VPS13B: variants seen among roughly 807,000 people sequenced by gnomAD.
The protein encoded by VPS13B is intermembrane lipid transfer protein VPS13B.
A neutral mutation model predicts 426.4 loss-of-function variants in VPS13B; 285 were observed. That is an observed-to-expected ratio of 0.67 (90% CI 0.61 to 0.74). The LOEUF (loss-of-function observed/expected upper bound fraction) is 0.74. Among genes scored for constraint, VPS13B ranks in the 30% least tolerant of loss-of-function variants. The pLI is 0.00. For missense variants in VPS13B, 4,537 were observed against 4,782.6 expected, an observed-to-expected ratio of 0.95 and a Z score of 1.51; for synonymous variants, 1,676 against 1,676.4, an observed-to-expected ratio of 1.00 and a Z score of 0.01.
chr8:99,631,604 T>G (rs1828848793), intron 33 of VPS13B, among the ~76,000 whole-genome samples: 1 of 152,052 alleles, frequency 6.6e-6, no homozygotes, highest in Non-Finnish European at 1.5e-5. Context: ...AAAATCATTT[T>G]TTTCCATTCT....
intron 30 of VPS13B, among the ~76,000 whole-genome samples, chr8:99,523,602 G>A (rs1043744730): frequency 6.6e-6 from 1 of 152,134 alleles, no homozygotes; most frequent in Admixed American, 6.5e-5. Context: ...ACAATTCTTC[G>A]GGATCTTATC....
rs151089043 is a variant in VPS13B at position 99,859,429 on chromosome 8, G to C, written c.10993G>C (p.Val3665Leu). 1.9e-6 allele frequency: 3 copies of C among 1,614,084 alleles called. No individual in the cohort carries two copies. Among genetic ancestry groups the C allele is most frequent in the Non-Finnish European group, 2.5e-6 (3 of 1,180,032 alleles). Residue 3665 changes from valine to leucine, a missense_variant, in exon 57 of 62, where the codon GTG becomes CTG. Val to Leu is a conservative substitution (Grantham distance 32). Coordinates refer to ENST00000357162, the MANE Select transcript of VPS13B (RefSeq NM_152564.5). ...EGLTRGPGAF[V>L]SGVSRGTTSF... ...GCTGACCCGGGGCCCTGGAGCCTTC[G>C]TGAGTGGCGTCTCCAGAGGGACCAC...
intron 35 of VPS13B, chr8:99,698,055 C>T: frequency 2.8e-6 from 1 of 353,014 alleles, no homozygotes; most frequent in Non-Finnish European, 5.5e-6. Flanking sequence ...TGCTGCCCCA[C>T]TGCCCTGGCG....
At chr8:99,283,175 A>T (rs1819257725) in intron 19 of VPS13B, among the ~76,000 whole-genome samples, 1 of 152,210 alleles carries the variant, frequency 6.6e-6, no homozygotes, top group Non-Finnish European at 1.5e-5. Flanking sequence ...ATGTAGAAAT[A>T]AGTGAATTGC....
intron 6 of VPS13B, among the ~76,000 whole-genome samples, chr8:99,113,737 G>T (rs1402220115): frequency 1.3e-5 from 2 of 151,896 alleles, no homozygotes; most frequent in African/African-American, 4.8e-5. Context: ...GCTAATTTTT[G>T]TATTTTTAGT....
At chr8:99,161,788 AG>A (rs1223089552) in intron 15 of VPS13B, among the ~76,000 whole-genome samples, 1 of 145,326 alleles carries the variant, frequency 6.9e-6, no homozygotes, top group Admixed American at 7.1e-5. Flanking sequence ...GCTGGAGTGC[AG>A]TGGCACAATC....
chr8:99,714,226 GT>G (rs1832823044), intron 36 of VPS13B, among the ~76,000 whole-genome samples: 1 of 151,758 alleles, frequency 6.6e-6, no homozygotes, highest in African/African-American at 2.4e-5. Flanking sequence ...CTGGTTCAGA[GT>G]AAGCAACAAT....
intron 43 of VPS13B, among the ~76,000 whole-genome samples, chr8:99,792,415 A>G (rs185065289): frequency 4.1e-4 from 62 of 150,716 alleles, no homozygotes; most frequent in African/African-American, 1.2e-3. Flanking sequence ...AGATGTAATT[A>G]AGGTCCTAAA....
intron 35 of VPS13B, chr8:99,696,831 T>C (rs1225734027): frequency 8.3e-7 from 1 of 1,207,434 alleles, no homozygotes; most frequent in Non-Finnish European, 1.2e-6. Flanking sequence ...CGGCCGCAGC[T>C]GGTGGCGCCG....
chr8:99,356,497 A>T (rs1478514413), intron 19 of VPS13B, among the ~76,000 whole-genome samples: 1 of 152,058 alleles, frequency 6.6e-6, no homozygotes, highest in African/African-American at 2.4e-5. Context: ...AATTTTAAAA[A>T]ATTAGCTGGG....
intron 20 of VPS13B, among the ~76,000 whole-genome samples, chr8:99,387,679 T>A (rs2133303213): frequency 6.6e-6 from 1 of 152,252 alleles, no homozygotes; most frequent in African/African-American, 2.4e-5. Context: ...ATTGCATAGT[T>A]GAGCCATATG....
intron 13 of VPS13B, 54 bp from the exon 14 acceptor site, chr8:99,147,787 T>A: frequency 2.5e-6 from 3 of 1,198,718 alleles, no homozygotes; most frequent in Non-Finnish European, 3.3e-6. Context: ...TTCAGTTGTT[T>A]AAGAATATTA....
chr8:99,553,278 T>G (rs1824379534), intron 30 of VPS13B, among the ~76,000 whole-genome samples: 1 of 152,104 alleles, frequency 6.6e-6, no homozygotes. Flanking sequence ...TCTGAAAAAA[T>G]ACTTTAGATT....
intron 39 of VPS13B, among the ~76,000 whole-genome samples, chr8:99,724,154 C>T (rs1037753688): frequency 3.9e-5 from 6 of 152,268 alleles, no homozygotes; most frequent in Non-Finnish European, 7.4e-5. Flanking sequence ...ACATGAATCA[C>T]AAGTTTGATT....
At chr8:99,497,179 A>AAT (rs1415400257) in intron 25 of VPS13B, among the ~76,000 whole-genome samples, 6 of 139,390 alleles carry the variant, frequency 4.3e-5, no homozygotes, top group African/African-American at 1.1e-4. Context: ...TTATATATTT[A>AAT]ATATATAAAT....
At chr8:99,101,753 G>T (rs1846764185) in intron 4 of VPS13B, among the ~76,000 whole-genome samples, 1 of 152,158 alleles carries the variant, frequency 6.6e-6, no homozygotes, top group African/African-American at 2.4e-5. Flanking sequence ...CACACGTTAT[G>T]GTTGAATAGA....
At chr8:99,640,025 T>TGG (rs1829261016) in intron 33 of VPS13B, among the ~76,000 whole-genome samples, 2 of 104,332 alleles carry the variant, frequency 1.9e-5, no homozygotes, top group Admixed American at 2.2e-4. Context: ...ATAATAATAA[T>TGG]AAGAAGAAGA....
At position 99,642,000 on chromosome 8, in the gene VPS13B, G is replaced by A; in HGVS notation, c.5410G>A (p.Val1804Ile). Reference protein sequence around the residue: ...IARPSRQSSIVKNLNFIPFDI... With the variant: ...IARPSRQSSIIKNLNFIPFDI... Reference sequence around the variant, plus strand: ...CCGTCCCTCACGCCAGTCATCAATTGTAAAAAATCTAAATTTTATTCCCTT... The same window carrying A: ...CCGTCCCTCACGCCAGTCATCAATTATAAAAAATCTAAATTTTATTCCCTT... Residue 1804 changes from valine to isoleucine, a missense_variant, in exon 34 of 62, where the codon GTA becomes ATA. Coordinates refer to ENST00000357162, the MANE Select transcript of VPS13B (RefSeq NM_152564.5). 1 of 1,614,044 alleles carries A rather than the reference G, an allele frequency of 6.2e-7. No homozygotes were observed. Among genetic ancestry groups the A allele is most frequent in the East Asian group, 2.2e-5 (1 of 44,886 alleles).
At chr8:99,592,282 G>T (rs563767609) in intron 33 of VPS13B, among the ~76,000 whole-genome samples, 5 of 152,038 alleles carry the variant, frequency 3.3e-5, no homozygotes, top group Non-Finnish European at 7.4e-5. Context: ...GCTTGGAGAT[G>T]TTTGTCATTA....
Sources: allele counts gnomAD v4.1 joint callset (sites outside exome capture counted in the v4.1 genomes callset), GRCh38; gene constraint gnomAD v4.1.1; transcripts MANE v1.5; gene names NCBI Gene and HGNC (gene_info 2026-07-23, HGNC 2026-07-21).